The following TMEM209 variants were observed in gnomAD, a reference collection of about 807,000 sequenced individuals.
TMEM209 encodes transmembrane protein 209.
A neutral mutation model predicts 76.2 loss-of-function variants in TMEM209; 65 were observed. That is an observed-to-expected ratio of 0.85 (90% CI 0.70 to 1.05). TMEM209 has a LOEUF of 1.05. TMEM209 is among the 50% of genes least tolerant of loss of function. The pLI is 0.00. For synonymous variants in TMEM209, 239 were observed against 237.6 expected, an observed-to-expected ratio of 1.01 and a Z score of -0.06; for missense variants, 623 against 685.5, an observed-to-expected ratio of 0.91 and a Z score of 1.02.
chr7:130,192,541 G>T, intron 6 of TMEM209, 81 bp downstream of exon 6: 1 of 1,170,830 alleles, frequency 8.5e-7, no homozygotes, highest in Non-Finnish European at 1.2e-6. Context: ...ATGTTAGTAT[G>T]GATATTAAAA....
intron 10 of TMEM209, among the ~76,000 whole-genome samples, chr7:130,176,031 G>T (rs980887734): frequency 6.6e-6 from 1 of 151,750 alleles, no homozygotes; most frequent in Non-Finnish European, 1.5e-5. Flanking sequence ...AAGTGTGTGT[G>T]TATATATATG....
chr7:130,201,267 G>C (rs1447925772), intron 5 of TMEM209, among the ~76,000 whole-genome samples: 1 of 152,078 alleles, frequency 6.6e-6, no homozygotes, highest in African/African-American at 2.4e-5. Flanking sequence ...TATATTAATA[G>C]TTTTATGCTT....
chr7:130,173,799 C>A, intron 12 of TMEM209, 26 bp downstream of exon 12: 1 of 1,608,852 alleles, frequency 6.2e-7, no homozygotes, highest in Non-Finnish European at 8.5e-7. Flanking sequence ...AAAATCTCAA[C>A]ACATTCTTTT....
At chr7:130,202,783 T>A (rs144011361) in intron 3 of TMEM209, 120 bp from the exon 4 acceptor site, 1 of 1,176,770 alleles carries the variant, frequency 8.5e-7, no homozygotes, top group African/African-American at 1.6e-5. Flanking sequence ...AAAACTATAA[T>A]TTAATGAATG....
Position 130,192,801 on chromosome 7 carries a change from GGA to G in TMEM209, c.594_595del (p.Pro199SerfsTer32), listed in dbSNP as rs772101912. ...AACAGTGGTAGGGTACGGAGAAGGA[GGA>G]GAGGGGCTAAAGCTCGCCAACTATA... On this transcript the variant is annotated frameshift_variant, in exon 6 of 15. Transcript: ENST00000397622. LOFTEE classifies it high-confidence loss of function. 14 of 1,613,798 alleles carry G rather than the reference GGA, an allele frequency of 8.7e-6. No individual in the cohort carries two copies. Among genetic ancestry groups the G allele is most frequent in the Non-Finnish European group, 1.2e-5 (14 of 1,179,862 alleles).
rs1171851812 is a variant in TMEM209 at position 130,173,929 on chromosome 7, T to A, written c.1355A>T (p.His452Leu). The A allele has an allele frequency of 6.2e-7, 1 of 1,607,028 alleles. No homozygotes were observed. ...GGAATCAAGGTAGGTGCAAAATACATGCATGATGATCTGAGGATGAAGAAA... is the reference window on the plus strand; with the variant it reads ...GGAATCAAGGTAGGTGCAAAATACAAGCATGATGATCTGAGGATGAAGAAA... ...DLPTDSAIIM[H>L]VFCTYLDSRL... The change falls in exon 12 of 15, where the codon CAT (histidine) becomes CTT (leucine). Residue 452 changes from histidine (H) to leucine (L), a missense_variant. Transcript: ENST00000397622.
At chr7:130,183,469 A>G (rs1173948858) in intron 8 of TMEM209, among the ~76,000 whole-genome samples, 1 of 152,234 alleles carries the variant, frequency 6.6e-6, no homozygotes, top group Non-Finnish European at 1.5e-5. Context: ...CCCTATTTAA[A>G]TAAGAGTAAA....
chr7:130,169,222 A>G (rs1796977768), intron 14 of TMEM209, among the ~76,000 whole-genome samples: 1 of 151,826 alleles, frequency 6.6e-6, no homozygotes, highest in Admixed American at 6.6e-5. Flanking sequence ...AAGCTAATAA[A>G]TGTTCATATT....
At chr7:130,185,425 TAAC>T in intron 6 of TMEM209, 58 bp from the exon 7 acceptor site, 1 of 1,483,530 alleles carries the variant, frequency 6.7e-7, no homozygotes, top group South Asian at 1.3e-5. Context: ...CATCTACAGT[TAAC>T]ACTTATATCT....
intron 13 of TMEM209, among the ~76,000 whole-genome samples, chr7:130,171,888 C>T (rs1478181703): frequency 6.6e-6 from 1 of 152,056 alleles, no homozygotes; most frequent in Non-Finnish European, 1.5e-5. Context: ...AAAAAATTAG[C>T]CAAGCGTGGT....
At chr7:130,184,845 C>T (rs559486538) in intron 7 of TMEM209, among the ~76,000 whole-genome samples, 6 of 152,222 alleles carry the variant, frequency 3.9e-5, no homozygotes, top group Admixed American at 1.3e-4. Context: ...ATTAAAGTGA[C>T]GAAATTACTG....
At chr7:130,168,021 A>G (rs1796935923) in intron 14 of TMEM209, among the ~76,000 whole-genome samples, 1 of 152,152 alleles carries the variant, frequency 6.6e-6, no homozygotes, top group South Asian at 2.1e-4. Context: ...TAAAAATTGT[A>G]TCAATTTCTT....
chr7:130,201,958 G>A lies in TMEM209; in HGVS notation c.465C>T (p.Thr155=). 1 of 1,613,922 alleles carries A rather than the reference G, an allele frequency of 6.2e-7. No homozygotes were observed. The highest frequency in any genetic ancestry group is 8.5e-7 in the Non-Finnish European group (1 of 1,179,876). Residue 155 remains threonine (T), a synonymous_variant, in exon 5 of 15, where the codon ACC becomes ACT. Transcript: ENST00000397622. The part of the protein sequence containing the change: ...SRSPSTSPKF[T]TSCMTGYSPQ... Reference sequence around the variant, plus strand: ...GGCTGTAACCAGTCATACAGCTGGTGGTGAACTTGGGACTGGTACTGGGCG... The same window carrying A: ...GGCTGTAACCAGTCATACAGCTGGTAGTGAACTTGGGACTGGTACTGGGCG...
At chr7:130,181,589 T>C (rs769091754) in intron 9 of TMEM209, 34 bp downstream of exon 9, 29 of 1,561,720 alleles carry the variant, frequency 1.9e-5, no homozygotes, top group East Asian at 1.1e-4. Context: ...GATTTACTAA[T>C]AGAAATCCAA....
rs966855409 is a variant in TMEM209 at position 130,169,739 on chromosome 7, C to CT, written c.1631+660dup. Among the ~76,000 whole-genome samples, 1,088 of 148,288 alleles carry CT rather than the reference C, an allele frequency of 7.3e-3. 17 individuals carry two copies. Among genetic ancestry groups the CT allele is most frequent in the Non-Finnish European group, 7.8e-3 (523 of 66,840 alleles). ...CCCTTCTGCTCCAAGCCCATCCCCC[C>CT]TTTTTTTTTTGCTAGCCTTAGGTTA... is the stretch of plus-strand genomic sequence containing the variant. On this transcript the variant is annotated intron_variant, in intron 14 of 14. Transcript: ENST00000397622.
chr7:130,197,625 T>C (rs1186246031), intron 5 of TMEM209, among the ~76,000 whole-genome samples: 2 of 152,204 alleles, frequency 1.3e-5, no homozygotes, highest in African/African-American at 4.8e-5. Flanking sequence ...CAAAGGATGA[T>C]ATTAAGAGTG....
At chr7:130,167,808 T>C (rs1382690519) in intron 14 of TMEM209, among the ~76,000 whole-genome samples, 2 of 152,186 alleles carry the variant, frequency 1.3e-5, no homozygotes, top group East Asian at 1.9e-4. Flanking sequence ...TAAATCCAAA[T>C]GGACTATATT....
intron 11 of TMEM209, 93 bp from the exon 12 acceptor site, chr7:130,174,032 C>A: frequency 6.0e-6 from 5 of 834,978 alleles, no homozygotes; most frequent in South Asian, 1.9e-5. Context: ...ATAACGATTC[C>A]AATTAAAAAA....
chr7:130,194,959 A>T (rs1665454009), intron 5 of TMEM209, among the ~76,000 whole-genome samples: 1 of 152,230 alleles, frequency 6.6e-6, no homozygotes, highest in Non-Finnish European at 1.5e-5. Context: ...TTTCTCTTTT[A>T]TTTTTAAAAT....
Sources: allele counts gnomAD v4.1 joint callset (sites outside exome capture counted in the v4.1 genomes callset), GRCh38; gene constraint gnomAD v4.1.1; transcripts MANE v1.5; gene names NCBI Gene and HGNC (gene_info 2026-07-23, HGNC 2026-07-21).